The following SIK2 variants were observed in gnomAD, a reference collection of about 807,000 sequenced individuals.
SIK2 encodes the protein salt inducible kinase 2.
SIK2 carries 29 observed loss-of-function variants against 103.2 expected under a neutral mutation model. The ratio of observed to expected loss-of-function variants is 0.28; its 90% CI spans 0.21 to 0.38. The LOEUF (loss-of-function observed/expected upper bound fraction) is 0.38, where lower values mean the gene tolerates loss of function less well. Among genes scored for constraint, SIK2 ranks in the 10% least tolerant of loss-of-function variants. The probability of loss-of-function intolerance (pLI) is 1.00; values close to 1 mark genes in which losing one functional copy is unlikely to be tolerated. For missense variants in SIK2, 879 were observed against 1,171.0 expected (o/e 0.75, Z 3.64); for synonymous variants, 412 against 446.1 (o/e 0.92, Z 0.96).
intron 3 of SIK2, among the ~76,000 whole-genome samples, chr11:111,681,436 G>A (rs986140180): frequency 2.6e-5 from 4 of 152,154 alleles, no homozygotes; most frequent in Non-Finnish European, 4.4e-5. Context: ...GCAGATCAAA[G>A]GTTAGCCACA....
chr11:111,677,652 C>T (rs1942721985), intron 3 of SIK2, among the ~76,000 whole-genome samples: 1 of 139,554 alleles, frequency 7.2e-6, no homozygotes, highest in Admixed American at 7.9e-5. Context: ...TAGTCTCGAA[C>T]CCCTGACCTC....
intron 1 of SIK2, among the ~76,000 whole-genome samples, chr11:111,611,861 A>G (rs1292659334): frequency 6.6e-6 from 1 of 152,224 alleles, no homozygotes; most frequent in Non-Finnish European, 1.5e-5. Flanking sequence ...GAGAAGGGAT[A>G]TAGAGAGGAA....
intron 1 of SIK2, among the ~76,000 whole-genome samples, chr11:111,610,389 C>T (rs1941706105): frequency 6.6e-6 from 1 of 151,464 alleles, no homozygotes; most frequent in South Asian, 2.1e-4. Context: ...ACTTGGGAGG[C>T]TGAGGCAGGA....
chr11:111,682,295 A>C (rs1942787624), intron 3 of SIK2, among the ~76,000 whole-genome samples: 1 of 152,216 alleles, frequency 6.6e-6, no homozygotes, highest in Non-Finnish European at 1.5e-5. Flanking sequence ...ACAAATCCAG[A>C]ATATAGGATG....
intron 8 of SIK2, among the ~76,000 whole-genome samples, chr11:111,711,522 A>G (rs1453558247): frequency 6.6e-6 from 1 of 152,248 alleles, no homozygotes; most frequent in Non-Finnish European, 1.5e-5. Context: ...AGCTTTCTAT[A>G]GTGGGTTGAC....
chr11:111,616,873 T>C (rs1565309948), intron 2 of SIK2, among the ~76,000 whole-genome samples: 1 of 152,134 alleles, frequency 6.6e-6, no homozygotes. Flanking sequence ...ACGCTGCTTT[T>C]TAACTGCAGA....
At chr11:111,666,938 TTTTATTTTATTTA>T (rs897937579) in intron 3 of SIK2, among the ~76,000 whole-genome samples, 1 of 143,830 alleles carries the variant, frequency 7.0e-6, no homozygotes, top group South Asian at 2.2e-4. Flanking sequence ...ATCTTTTTTA[TTTTATTTTATTTA>T]TTTATTTATT....
At chr11:111,632,989 A>G (rs767783339) in intron 3 of SIK2, among the ~76,000 whole-genome samples, 2 of 152,092 alleles carry the variant, frequency 1.3e-5, no homozygotes, top group Non-Finnish European at 2.9e-5. Flanking sequence ...GTACTTTTGG[A>G]AACTGGCCAA....
At chr11:111,704,353 C>G (rs1200455856) in intron 7 of SIK2, among the ~76,000 whole-genome samples, 6 of 152,120 alleles carry the variant, frequency 3.9e-5, no homozygotes. Context: ...TTTCTCTGTT[C>G]CCTCAATATC....
In SIK2 at chr11:111,688,045, C is replaced by T; in HGVS notation, c.361C>T (p.Arg121Ter). ...CCGGTTAAATGAGTCTGAAGCCAGG[C>T]GAAAATTCTGGCAAATCCTGTCTGC... is the stretch of plus-strand genomic sequence containing the variant. ...HGRLNESEARRKFWQILSAVD... is the reference protein window; with the variant it reads ...HGRLNESEAR The change falls in exon 4 of 15, where the codon CGA (arginine) becomes TGA (stop). Residue 121 changes from arginine to a stop codon, truncating the protein, a stop_gained. Coordinates refer to ENST00000304987, the MANE Select transcript of SIK2 (RefSeq NM_015191.3). LOFTEE classifies it high-confidence loss of function. The surrounding 1 kb of genome is among the most constrained non-coding windows in gnomAD (Gnocchi z 4.2). The T allele has an allele frequency of 6.2e-7, 1 of 1,614,138 alleles. No individual in the cohort carries two copies. Among genetic ancestry groups the T allele is most frequent in the Non-Finnish European group, 8.5e-7 (1 of 1,180,018 alleles).
At chr11:111,693,144 C>T (rs915959157) in intron 4 of SIK2, among the ~76,000 whole-genome samples, 6 of 151,960 alleles carry the variant, frequency 3.9e-5, no homozygotes, top group East Asian at 1.9e-4. Flanking sequence ...CCATCCTGGC[C>T]AACATGGTGA....
chr11:111,638,044 A>T (rs1038932984), intron 3 of SIK2, among the ~76,000 whole-genome samples: 3 of 152,196 alleles, frequency 2.0e-5, no homozygotes, highest in Non-Finnish European at 2.9e-5. Context: ...TTTCACTGCT[A>T]GGGTGATCTG....
At chr11:111,634,166 G>T (rs1942075500) in intron 3 of SIK2, among the ~76,000 whole-genome samples, 2 of 152,148 alleles carry the variant, frequency 1.3e-5, no homozygotes, top group South Asian at 4.1e-4. Flanking sequence ...TCTAGGCTGA[G>T]CATATGCCTG....
Position 111,603,307 on chromosome 11 carries a change from G to A in SIK2, c.135+609G>A, listed in dbSNP as rs72645438. On this transcript the variant is annotated intron_variant, in intron 1 of 14. Transcript: ENST00000304987. ...CAGGGTGTCTCTGATTTGGTGTCTG[G>A]CTAGCTTGATCTCTTGCCTGGGGCA... 1.6e-3 allele frequency among the ~76,000 whole-genome samples: 248 copies of A among 152,226 alleles called. 8 individuals are homozygous for A. The East Asian group carries it at 0.047, about 29-fold the overall frequency.
intron 2 of SIK2, among the ~76,000 whole-genome samples, chr11:111,620,031 G>C (rs1250571250): frequency 2.0e-5 from 3 of 152,192 alleles, no homozygotes; most frequent in African/African-American, 7.2e-5. Flanking sequence ...TCACTTGGCA[G>C]TTTTGTTAAA....
chr11:111,633,841 T>G (rs1232092268), intron 3 of SIK2, among the ~76,000 whole-genome samples: 1 of 152,228 alleles, frequency 6.6e-6, no homozygotes, highest in Admixed American at 6.5e-5. Flanking sequence ...GAATATGGAA[T>G]GGCAAATGAA....
At chr11:111,708,001 C>T (rs1943397226) in intron 8 of SIK2, among the ~76,000 whole-genome samples, 1 of 152,220 alleles carries the variant, frequency 6.6e-6, no homozygotes, top group Non-Finnish European at 1.5e-5. Flanking sequence ...AGAGCACTGA[C>T]ATGCCAGGCA....
chr11:111,614,361 G>A (rs1941773862), intron 1 of SIK2, among the ~76,000 whole-genome samples: 1 of 152,076 alleles, frequency 6.6e-6, no homozygotes, highest in Non-Finnish European at 1.5e-5. Flanking sequence ...TGGGATTACA[G>A]GCATGAGCCA....
In SIK2 at chr11:111,648,039, A is replaced by G. The variant is rs117996461; in HGVS notation, c.316+27637A>G. Among the ~76,000 whole-genome samples, 1,000 of 152,046 alleles carry G rather than the reference A, an allele frequency of 6.6e-3. 9 individuals are homozygous for G. Among genetic ancestry groups the G allele is most frequent in the Middle Eastern group, 0.055 (16 of 290 alleles). On this transcript the variant is annotated intron_variant, in intron 3 of 14. Transcript: ENST00000304987. ...ATCAAATGCAGCTGGAAAAAGAATT[A>G]CCCTTGGAATTAGGGAATCTGTAAT...
Sources: gnomAD v4.1 joint callset for allele counts (sites outside exome capture counted in the v4.1 genomes callset) on GRCh38, gnomAD v4.1.1 for gene constraint, Gnocchi (gnomAD v3.1) non-coding constraint, MANE v1.5 for transcripts, NCBI Gene and HGNC (gene_info 2026-07-23, HGNC 2026-07-21) for gene names.